The following TEAD3 variants were observed in gnomAD, a reference collection of about 807,000 sequenced individuals.
The protein encoded by TEAD3 is TEA domain transcription factor 3.
In TEAD3, 15 loss-of-function variants were observed where a neutral mutation model predicts 55.6. That is an observed-to-expected ratio of 0.27 (90% confidence interval 0.18 to 0.42). The LOEUF is 0.42. Ranked by LOEUF, TEAD3 falls within the 10% of genes least tolerant of loss-of-function variation. TEAD3 has a pLI of 1.00. For synonymous variants in TEAD3, 210 were observed against 232.2 expected (o/e 0.90, Z 0.87); for missense variants, 407 against 576.8 (o/e 0.71, Z 3.01).
chr6:35,486,486 G>A lies in TEAD3; in HGVS notation c.177C>T (p.Ile59=), dbSNP rs1044021435. ...CGTACATCTTGCCCTCGTCTGACAG[G>A]ATGATCTTCCGCCGGCCGCAGGGCG... The change falls in exon 2 of 13, where the codon ATC becomes ATT. Residue 59 remains isoleucine, a synonymous_variant. Transcript: ENST00000639578. The surrounding 1 kb of genome is among the most constrained non-coding windows in gnomAD (Gnocchi z 7.3). The A allele has an allele frequency of 4.3e-6, 7 of 1,613,138 alleles. No homozygotes were observed. The African/African-American group carries it at 8.0e-5, about 18-fold the overall frequency.
chr6:35,494,503 T>C (rs888577863), intron 1 of TEAD3, among the ~76,000 whole-genome samples: 5 of 152,036 alleles, frequency 3.3e-5, no homozygotes, highest in African/African-American at 1.2e-4. Flanking sequence ...CAGTGCCGAG[T>C]GTGACCTGCT....
chr6:35,490,223 G>A (rs939310899), intron 1 of TEAD3, among the ~76,000 whole-genome samples: 21 of 152,190 alleles, frequency 1.4e-4, no homozygotes, highest in Middle Eastern at 3.4e-3. Context: ...GCCCCGCCCC[G>A]CCCCCCGCGG....
rs200574053 is a variant in TEAD3, at chr6:35,486,564, G to A, written c.99C>T (p.Gly33=). ...TCTGCTCGATGTCCGGGCTCCACAC[G>A]CCCTCCGCATCGTTGTCCAGCCCCT... Residue 33 remains glycine (G), a synonymous_variant, in exon 2 of 13, where the codon GGC becomes GGT. Coordinates refer to ENST00000639578, the Ensembl canonical transcript of TEAD3. This position sits in a 1 kb window ranked among gnomAD's most constrained non-coding sequence, Gnocchi z 7.3. The A allele has an allele frequency of 6.9e-5, 111 of 1,613,598 alleles. No individual in the cohort carries two copies. The Middle Eastern group carries it at 1.8e-3, about 26-fold the overall frequency.
At position 35,478,511 on chromosome 6, in the gene TEAD3, C is replaced by T. The variant is rs556782223; in HGVS notation, c.403G>A (p.Val135Ile). Reference sequence around the variant, plus strand: ...TTGTTCTGCAGGACACTGGCAGAGACGATCTGGGCAGAGGACATGGACGCC... The same window carrying T: ...TTGTTCTGCAGGACACTGGCAGAGATGATCTGGGCAGAGGACATGGACGCC... Residue 135 changes from valine (V) to isoleucine (I), a missense_variant, in exon 6 of 13, where the codon GTC (valine) becomes ATC (isoleucine). Coordinates refer to ENST00000639578, the Ensembl canonical transcript of TEAD3. The T allele has an allele frequency of 4.3e-6, 7 of 1,610,060 alleles. No homozygotes were observed. The Admixed American group carries it at 6.7e-5, about 16-fold the overall frequency.
In TEAD3 at chr6:35,484,308, G is replaced by A. The variant is rs1768323282; in HGVS notation, c.267+252C>T. Among the ~76,000 whole-genome samples the A allele has an allele frequency of 6.6e-6, 1 of 152,214 alleles. No homozygotes were observed. Among genetic ancestry groups the A allele is most frequent in the South Asian group, 2.1e-4 (1 of 4,832 alleles). ...CTGTGGTCCCTGAACCACAGGCCCT[G>A]GGCAGGGTAGTAGGTGGTCAGAGAG... On this transcript the variant is annotated intron_variant, in intron 3 of 12. Transcript: ENST00000639578. The surrounding 1 kb of genome is among the most constrained non-coding windows in gnomAD (Gnocchi z 5.8).
intron 1 of TEAD3, among the ~76,000 whole-genome samples, chr6:35,494,157 T>C (rs767495410): frequency 2.6e-5 from 4 of 152,154 alleles, no homozygotes; most frequent in Non-Finnish European, 2.9e-5. Flanking sequence ...CTCACCCACA[T>C]AGAATGTCCC....
At position 35,486,508 on chromosome 6, in the gene TEAD3, G is replaced by A; in HGVS notation, c.155C>T (p.Pro52Leu). The A allele has an allele frequency of 6.2e-7, 1 of 1,613,562 alleles. No homozygotes were observed. Residue 52 changes from proline (P) to leucine (L), a missense_variant, in exon 2 of 13, where the codon CCC (proline) becomes CTC (leucine). By Grantham distance (98) the Pro-to-Leu change is moderately conservative (BLOSUM62 -3). Transcript: ENST00000639578. The surrounding 1 kb of genome is among the most constrained non-coding windows in gnomAD (Gnocchi z 7.3). ...CAGGATGATCTTCCGCCGGCCGCAG[G>A]GCGGGTAGATGGCCAGGGCCTCCTG...
chr6:35,496,484 G>A lies in TEAD3; in HGVS notation c.-50+414C>T, dbSNP rs1346391746. On this transcript the variant is annotated intron_variant, in intron 1 of 12. Coordinates refer to ENST00000639578, the Ensembl canonical transcript of TEAD3. The surrounding 1 kb of genome is among the most constrained non-coding windows in gnomAD (Gnocchi z 4.8). The stretch of plus-strand genomic sequence containing the variant: ...GCCGGGCGGGCTCCGGGAGCGCGCG[G>A]GCCGGGAGTCCAAAGGGCGGCGGGG... 2.6e-5 allele frequency among the ~76,000 whole-genome samples: 4 copies of A among 152,086 alleles called. No homozygotes were observed. The highest frequency in any genetic ancestry group is 9.7e-5 in the African/African-American group (4 of 41,438).
chr6:35,474,305 C>T (rs933783154), downstream of TEAD3: 3 of 152,994 alleles, frequency 2.0e-5, no homozygotes, highest in African/African-American at 7.2e-5. Flanking sequence ...GCTCCCCTAA[C>T]CCAGCGCCCC....
In TEAD3 at chr6:35,486,442, C is replaced by T. The variant is rs757373098; in HGVS notation, c.202+19G>A. ...CAGGGGGAAGGGCCGCAGTCCCGCC[C>T]GCGCCCCCCGGCACGCACCGTACAT... On this transcript the variant is annotated intron_variant, in intron 2 of 12. Transcript: ENST00000639578. The surrounding 1 kb of genome is among the most constrained non-coding windows in gnomAD (Gnocchi z 7.3). 7 of 1,601,456 alleles carry T rather than the reference C, an allele frequency of 4.4e-6. No individual in the cohort carries two copies. In the East Asian group the frequency reaches 1.3e-4, roughly 31 times the overall value.
intron 4 of TEAD3, among the ~76,000 whole-genome samples, chr6:35,479,598 C>A (rs1768226646): frequency 6.6e-6 from 1 of 152,180 alleles, no homozygotes; most frequent in Non-Finnish European, 1.5e-5. Flanking sequence ...GGGTAAGAGG[C>A]CCCCTCTGCT....
Position 35,483,771 on chromosome 6 carries a change from C to T in TEAD3, c.267+789G>A, listed in dbSNP as rs543817165. Reference sequence around the variant, plus strand: ...GCTGAGTGTCCCCTACCCCAGCAGTCCCCACCCTCCCTCCACCACATCAGG... The same window carrying T: ...GCTGAGTGTCCCCTACCCCAGCAGTTCCCACCCTCCCTCCACCACATCAGG... On this transcript the variant is annotated intron_variant, in intron 3 of 12. Coordinates refer to ENST00000639578, the Ensembl canonical transcript of TEAD3. This position sits in a 1 kb window ranked among gnomAD's most constrained non-coding sequence, Gnocchi z 4.5. Among the ~76,000 whole-genome samples the T allele has an allele frequency of 2.6e-5, 4 of 151,014 alleles. No individual in the cohort carries two copies. The highest frequency in any genetic ancestry group is 2.0e-4 in the Admixed American group (3 of 15,196).
At chr6:35,481,921 G>A (rs995660898) in intron 3 of TEAD3, among the ~76,000 whole-genome samples, 1 of 152,216 alleles carries the variant, frequency 6.6e-6, no homozygotes, top group Non-Finnish European at 1.5e-5. Context: ...GAGGCATTGT[G>A]CTTACTACGA....
At position 35,475,890 on chromosome 6, in the gene TEAD3, T is replaced by C. The variant is rs765575449; in HGVS notation, c.900+29A>G. ...GCACCTCTGGGGTGGGGAAGGGGGC[T>C]TGGAGCAGAGAAGGCCAGGGGGACT... On this transcript the variant is annotated intron_variant, in intron 10 of 12. Transcript: ENST00000639578. This position sits in a 1 kb window ranked among gnomAD's most constrained non-coding sequence, Gnocchi z 5.4. 2 of 1,510,864 alleles carry C rather than the reference T, an allele frequency of 1.3e-6. No homozygotes were observed. Among genetic ancestry groups the C allele is most frequent in the African/African-American group, 2.8e-5 (2 of 71,264 alleles). The allele number at this position is 1,510,864 out of a possible 1,614,324, so 93.6% of individuals were successfully genotyped here. A position where few individuals can be genotyped will look rare whatever the true frequency, so the allele number is the denominator to read the frequency against.
At chr6:35,476,211 CA>C in intron 9 of TEAD3, 90 bp downstream of exon 9, 3 of 1,557,312 alleles carry the variant, frequency 1.9e-6, no homozygotes, top group Non-Finnish European at 8.7e-7. Flanking sequence ...GCCAGACCCC[CA>C]ACCCCCAGAT....
chr6:35,496,679 C>A lies in TEAD3; in HGVS notation c.-50+219G>T, dbSNP rs940575292. Among the ~76,000 whole-genome samples, 1 of 152,126 alleles carries A rather than the reference C, an allele frequency of 6.6e-6. No individual in the cohort carries two copies. Among genetic ancestry groups the A allele is most frequent in the African/African-American group, 2.4e-5 (1 of 41,442 alleles). ...CCACCTTCCCGGACCAACTCGTCCC[C>A]GTCGCGGGGGGGTGGGGAGGGCGGG... On this transcript the variant is annotated intron_variant, in intron 1 of 12. Coordinates refer to ENST00000639578, the Ensembl canonical transcript of TEAD3. The surrounding 1 kb of genome is among the most constrained non-coding windows in gnomAD (Gnocchi z 4.8).
rs1250041902 is a variant in TEAD3 at position 35,496,592 on chromosome 6, A to AC, written c.-50+305dup. 4.0e-5 allele frequency among the ~76,000 whole-genome samples: 6 copies of AC among 151,298 alleles called. No individual in the cohort carries two copies. Among genetic ancestry groups the AC allele is most frequent in the Admixed American group, 3.9e-4 (6 of 15,204 alleles). On this transcript the variant is annotated intron_variant, in intron 1 of 12. Transcript: ENST00000639578. The surrounding 1 kb of genome is among the most constrained non-coding windows in gnomAD (Gnocchi z 4.8). ...GTGCGGCCCCCGGATCCCCGCCCCG[A>AC]CCCCCCAAGCACGGACGGCGGGACA... is the stretch of plus-strand genomic sequence containing the variant.
Position 35,488,697 on chromosome 6 carries a change from GTTAT to G in TEAD3, c.-49-1990_-49-1987del, listed in dbSNP as rs1486641869. Among the ~76,000 whole-genome samples the G allele has an allele frequency of 2.6e-5, 4 of 151,926 alleles. No individual in the cohort carries two copies. The highest frequency in any genetic ancestry group is 4.4e-5 in the Non-Finnish European group (3 of 67,958). The stretch of plus-strand genomic sequence containing the variant: ...GGTCTGAATGTCAGCCAGTTATTCG[GTTAT>G]TTTTTTTCTTTTTTAAATTTTTTAT... On this transcript the variant is annotated intron_variant, in intron 1 of 12. Coordinates refer to ENST00000639578, the Ensembl canonical transcript of TEAD3. This position sits in a 1 kb window ranked among gnomAD's most constrained non-coding sequence, Gnocchi z 4.2.
At position 35,486,205 on chromosome 6, in the gene TEAD3, C is replaced by T. The variant is rs1768375302; in HGVS notation, c.202+256G>A. ...CTTTCTTGGGCCCACTGAGTCACCT[C>T]GAAACCTCCAGGCCGGTAGCGGGGA... is the stretch of plus-strand genomic sequence containing the variant. On this transcript the variant is annotated intron_variant, in intron 2 of 12. Transcript: ENST00000639578. This position sits in a 1 kb window ranked among gnomAD's most constrained non-coding sequence, Gnocchi z 7.3. 6.6e-6 allele frequency among the ~76,000 whole-genome samples: 1 copy of T among 152,220 alleles called. No homozygotes were observed. The highest frequency in any genetic ancestry group is 6.5e-5 in the Admixed American group (1 of 15,288).
Sources: gnomAD v4.1 joint callset for allele counts (sites outside exome capture counted in the v4.1 genomes callset) on GRCh38, gnomAD v4.1.1 for gene constraint, Gnocchi (gnomAD v3.1) non-coding constraint, MANE v1.5 for transcripts, NCBI Gene and HGNC (gene_info 2026-07-23, HGNC 2026-07-21) for gene names.